Variants in ELP4 observed in about 807,000 individuals in gnomAD.
ELP4 encodes the protein elongator complex protein 4.
Under a neutral mutation model 48.9 loss-of-function variants are expected in ELP4, and 51 were observed. The observed-to-expected ratio is 1.04, with a 90% CI of 0.83 to 1.32. The LOEUF (loss-of-function observed/expected upper bound fraction) is 1.32. Among genes scored for constraint, ELP4 ranks in the 40% most tolerant of loss-of-function variants. The pLI, the probability that ELP4 is intolerant of heterozygous loss-of-function variation, is 0.00. For synonymous variants in ELP4, 210 were observed against 189.2 expected (o/e 1.11, Z -0.90); for missense variants, 519 against 514.6 (o/e 1.01, Z -0.08).
At chr11:31,594,325 C>T (rs746806461) in intron 3 of ELP4, among the ~76,000 whole-genome samples, 4 of 152,048 alleles carry the variant, frequency 2.6e-5, no homozygotes, top group East Asian at 3.8e-4. Flanking sequence ...TTACTTCACT[C>T]GTTATTTTAG....
intron 9 of ELP4, among the ~76,000 whole-genome samples, chr11:31,666,156 G>A (rs182685651): frequency 6.6e-6 from 1 of 151,264 alleles, no homozygotes; most frequent in East Asian, 2.0e-4. Context: ...TTACAGGAGT[G>A]GGCTACCACA....
chr11:31,730,732 T>A (rs1479087906), intron 9 of ELP4, among the ~76,000 whole-genome samples: 2 of 152,112 alleles, frequency 1.3e-5, no homozygotes, highest in Non-Finnish European at 2.9e-5. Flanking sequence ...ACAACTTGGT[T>A]AGCTCTATCT....
At chr11:31,677,994 T>A (rs1945967575) in intron 9 of ELP4, among the ~76,000 whole-genome samples, 1 of 152,194 alleles carries the variant, frequency 6.6e-6, no homozygotes, top group African/African-American at 2.4e-5. Context: ...TCCCCTGTTC[T>A]CTACCTATTC....
chr11:31,638,420 T>C (rs1267833003), intron 7 of ELP4, among the ~76,000 whole-genome samples: 8 of 151,868 alleles, frequency 5.3e-5, no homozygotes, highest in Admixed American at 1.3e-4. Flanking sequence ...AATAGCCTTA[T>C]TCAATTTTTG....
rs867529448 is a variant in ELP4 at position 31,639,124 on chromosome 11, A to G, written c.927+6719A>G. 2.0e-5 allele frequency among the ~76,000 whole-genome samples: 3 copies of G among 151,854 alleles called. No individual in the cohort carries two copies. In the South Asian group the frequency reaches 6.2e-4, roughly 31 times the overall value. ...ATCATAGCTACAGTTACTAAAGGAT[A>G]AAGCCAGATATTCAGAGTGTCATTT... On this transcript the variant is annotated intron_variant, in intron 7 of 9. Coordinates refer to ENST00000640961, the MANE Select transcript of ELP4 (RefSeq NM_019040.5).
chr11:31,633,943 C>G (rs1210506914), intron 7 of ELP4: 1 of 151,990 alleles, frequency 6.6e-6, no homozygotes, highest in Non-Finnish European at 1.5e-5. Flanking sequence ...GTGTTCTTCC[C>G]TGACTTCAAA....
intron 9 of ELP4, among the ~76,000 whole-genome samples, chr11:31,758,634 T>A (rs2134249997): frequency 6.6e-6 from 1 of 152,118 alleles, no homozygotes; most frequent in African/African-American, 2.4e-5. Context: ...TGAAATAAAT[T>A]CTGTTGTTAA....
intron 9 of ELP4, among the ~76,000 whole-genome samples, chr11:31,746,252 G>A (rs559336659): frequency 2.0e-5 from 3 of 152,180 alleles, no homozygotes; most frequent in Admixed American, 6.5e-5. Context: ...GTGTTGGAGA[G>A]GATGTGGAGA....
intron 1 of ELP4, among the ~76,000 whole-genome samples, chr11:31,516,412 A>G (rs1038528312): frequency 2.0e-5 from 3 of 152,226 alleles, no homozygotes; most frequent in African/African-American, 7.2e-5. Context: ...GTGATATAAG[A>G]TGTTCAAATG....
rs1373934005 is a variant in ELP4, at chr11:31,783,616, C to T, written c.*92C>T. On this transcript the variant is annotated 3_prime_UTR_variant, in exon 10 of 10. Transcript: ENST00000640961. ...GTAAATATTTTTCTTAACAATTTGA[C>T]CCTCCACTCCTTGAAAAACACAGGA... 4.1e-6 allele frequency: 5 copies of T among 1,217,580 alleles called. No homozygotes were observed. The highest frequency in any genetic ancestry group is 5.6e-6 in the Non-Finnish European group (5 of 895,428). The allele number at this position is 1,217,580 out of a possible 1,614,324, so 75.4% of individuals were successfully genotyped here. A position where few individuals can be genotyped will look rare whatever the true frequency, so the allele number is the denominator to read the frequency against.
chr11:31,631,414 C>T (rs542320043), intron 6 of ELP4, among the ~76,000 whole-genome samples: 7 of 152,206 alleles, frequency 4.6e-5, no homozygotes, highest in Admixed American at 2.6e-4. Context: ...GTTTTGTTAA[C>T]GCCTTCTTCT....
intron 9 of ELP4, among the ~76,000 whole-genome samples, chr11:31,705,409 T>C (rs538839079): frequency 6.6e-6 from 1 of 152,318 alleles, no homozygotes; most frequent in Non-Finnish European, 1.5e-5. Flanking sequence ...GGACTAAGTT[T>C]CCAACACATG....
intron 3 of ELP4, among the ~76,000 whole-genome samples, chr11:31,583,419 G>T (rs991305825): frequency 6.6e-6 from 1 of 152,068 alleles, no homozygotes; most frequent in Non-Finnish European, 1.5e-5. Context: ...GTAGAGAAAT[G>T]ATAAACTCCA....
intron 4 of ELP4, chr11:31,599,933 G>C (rs943082008): frequency 6.6e-6 from 1 of 152,146 alleles, no homozygotes; most frequent in Non-Finnish European, 1.5e-5. Context: ...TGGTTTGGCC[G>C]TAGACTTCAC....
intron 3 of ELP4, among the ~76,000 whole-genome samples, chr11:31,546,232 G>T (rs1355536174): frequency 6.6e-6 from 1 of 151,944 alleles, no homozygotes; most frequent in African/African-American, 2.4e-5. Context: ...GCTGTATTCA[G>T]GAAACCCATC....
At chr11:31,533,346 T>C (rs1956432031) in intron 2 of ELP4, among the ~76,000 whole-genome samples, 1 of 148,346 alleles carries the variant, frequency 6.7e-6, no homozygotes, top group South Asian at 2.1e-4. Flanking sequence ...TTCATCCGTG[T>C]TGCTGCAAAA....
Position 31,786,245 on chromosome 11 carries a change from A to G in ELP4, c.*2721A>G, listed in dbSNP as rs1475651903. On this transcript the variant is annotated 3_prime_UTR_variant, in exon 10 of 10. Coordinates refer to ENST00000640961, the MANE Select transcript of ELP4 (RefSeq NM_019040.5). ...TTTAACAAATCAGACACACATAGGC[A>G]TACAAAAGGAGAGTGGGGGGACCCC... The G allele has an allele frequency of 4.8e-6, 1 of 209,236 alleles. No homozygotes were observed. Among genetic ancestry groups the G allele is most frequent in the East Asian group, 7.2e-5 (1 of 13,854 alleles). The allele number at this position is 209,236 out of a possible 1,614,324, so 13.0% of individuals were successfully genotyped here.
In ELP4 at chr11:31,705,684, A is replaced by G. The variant is rs11031456; in HGVS notation, c.1143+55463A>G. The stretch of plus-strand genomic sequence containing the variant: ...ATGTCTTAGTTCTAACTTTCTCTTA[A>G]AGGAAAAAGTGGACCACCATTATCA... On this transcript the variant is annotated intron_variant, in intron 9 of 9. Transcript: ENST00000640961. Among the ~76,000 whole-genome samples the G allele has an allele frequency of 1.1e-4, 17 of 152,270 alleles. No homozygotes were observed. The East Asian group carries it at 2.9e-3, about 26-fold the overall frequency.
chr11:31,600,810 T>A (rs1014173664), intron 4 of ELP4, among the ~76,000 whole-genome samples: 3 of 152,098 alleles, frequency 2.0e-5, no homozygotes, highest in African/African-American at 7.2e-5. Flanking sequence ...TAAGAAAAGG[T>A]CTTATTTAGA....
Sources: allele counts gnomAD v4.1 joint callset (sites outside exome capture counted in the v4.1 genomes callset), GRCh38; gene constraint gnomAD v4.1.1; transcripts MANE v1.5; gene names NCBI Gene and HGNC (gene_info 2026-07-23, HGNC 2026-07-21).